Variants in BCO1 observed in about 807,000 individuals in gnomAD.
BCO1 encodes beta,beta-carotene 15,15'-dioxygenase.
In BCO1, 54 loss-of-function variants were observed where a neutral mutation model predicts 56.3. That is an observed-to-expected ratio of 0.96 (90% CI 0.77 to 1.20). The LOEUF is 1.20. Ranked by LOEUF, BCO1 falls within the 50% of genes most tolerant of loss-of-function variation. The pLI is 0.00. For synonymous variants in BCO1, 318 were observed against 266.1 expected (o/e 1.20, Z -1.90); for missense variants, 801 against 690.9 (o/e 1.16, Z -1.79).
intron 5 of BCO1, among the ~76,000 whole-genome samples, chr16:81,266,627 C>T (rs753662516): frequency 6.6e-6 from 1 of 152,124 alleles, no homozygotes; most frequent in Non-Finnish European, 1.5e-5. Context: ...TCCTAGAATG[C>T]CATACCTGGG....
chr16:81,250,645 A>G (rs916133067), intron 2 of BCO1, among the ~76,000 whole-genome samples: 8 of 139,970 alleles, frequency 5.7e-5, no homozygotes, highest in Non-Finnish European at 1.2e-4. Flanking sequence ...CAGTGGCACG[A>G]TCTCAGCTCA....
chr16:81,288,744 TAAG>T (rs1350667419), intron 10 of BCO1, among the ~76,000 whole-genome samples: 2 of 152,162 alleles, frequency 1.3e-5, no homozygotes, highest in Non-Finnish European at 2.9e-5. Context: ...CTGAGGAGGC[TAAG>T]GAGGGTAACT....
At chr16:81,245,805 A>G (rs758353190) in intron 2 of BCO1, among the ~76,000 whole-genome samples, 2 of 146,916 alleles carry the variant, frequency 1.4e-5, no homozygotes, top group East Asian at 2.0e-4. Flanking sequence ...TCCGTTTTCT[A>G]TCTTCTAGAA....
chr16:81,247,954 A>C lies in BCO1; in HGVS notation c.193+2351A>C, dbSNP rs1044742538. Among the ~76,000 whole-genome samples, 6 of 152,344 alleles carry C rather than the reference A, an allele frequency of 3.9e-5. 1 individual carries two copies. In the Middle Eastern group the frequency reaches 0.014, roughly 345 times the overall value. The stretch of plus-strand genomic sequence containing the variant: ...CACCTAAACTGTGTAACTTTGGCCA[A>C]GGTACTGACCCTGTCTGTCTCAGTC... On this transcript the variant is annotated intron_variant, in intron 2 of 10. Transcript: ENST00000258168.
In BCO1 at chr16:81,287,415, C is replaced by CT. The variant is rs759609688; in HGVS notation, c.1414+10dup. On this transcript the variant is annotated intron_variant, in intron 10 of 10. Transcript: ENST00000258168. ...CAAGGATGAGGATGACGGTAAGACT[C>CT]TAAGAAGCCACGCCTAGTTGCTGCA... 8 of 1,609,028 alleles carry CT rather than the reference C, an allele frequency of 5.0e-6. No individual in the cohort carries two copies. The East Asian group carries it at 1.1e-4, about 22-fold the overall frequency.
chr16:81,263,389 C>T (rs966156184), intron 4 of BCO1: 2 of 152,226 alleles, frequency 1.3e-5, no homozygotes, highest in African/African-American at 4.8e-5. Context: ...TTGCACCCAA[C>T]CATGTTCTGC....
intron 7 of BCO1, among the ~76,000 whole-genome samples, chr16:81,280,488 T>C (rs1907817377): frequency 6.6e-6 from 1 of 152,156 alleles, no homozygotes; most frequent in South Asian, 2.1e-4. Context: ...GTAAACTCTT[T>C]AGAAGCATCC....
chr16:81,272,262 T>C (rs561180850), intron 7 of BCO1, among the ~76,000 whole-genome samples: 319 of 151,808 alleles, frequency 2.1e-3, no homozygotes, highest in African/African-American at 7.3e-3. Flanking sequence ...TACAGACACC[T>C]GCCACCACGC....
chr16:81,248,803 G>A (rs548555932), intron 2 of BCO1, among the ~76,000 whole-genome samples: 9 of 152,106 alleles, frequency 5.9e-5, no homozygotes, highest in Admixed American at 3.3e-4. Context: ...CCTGAAGTCG[G>A]GAGTTCAAGA....
chr16:81,283,692 C>G (rs899190009), intron 8 of BCO1, among the ~76,000 whole-genome samples: 3 of 152,090 alleles, frequency 2.0e-5, no homozygotes, highest in Admixed American at 6.5e-5. Flanking sequence ...CTTCCCATCT[C>G]AATACTTCAT....
In BCO1 at chr16:81,238,705, C is replaced by T. The variant is rs1296269217; in HGVS notation, c.-204C>T. On this transcript the variant is annotated 5_prime_UTR_variant, in exon 1 of 11. Coordinates refer to ENST00000258168, the MANE Select transcript of BCO1 (RefSeq NM_017429.3). ...GCTTCCCTTGTGAATGTAAAGAGAT[C>T]CAGGGCTCTTGGAGAGGGACAAGTG... The T allele has an allele frequency of 9.6e-6, 6 of 624,188 alleles. No homozygotes were observed. The highest frequency in any genetic ancestry group is 2.8e-5 in the East Asian group (1 of 35,676). The allele number at this position is 624,188 out of a possible 1,614,324, so 38.7% of individuals were successfully genotyped here.
intron 2 of BCO1, among the ~76,000 whole-genome samples, chr16:81,257,328 G>T (rs971284616): frequency 1.1e-4 from 16 of 152,026 alleles, no homozygotes; most frequent in Non-Finnish European, 4.4e-5. Flanking sequence ...GCAGTGGCGC[G>T]ATCTCGGCTC....
At chr16:81,255,360 T>G (rs1053259983) in intron 2 of BCO1, among the ~76,000 whole-genome samples, 8 of 152,216 alleles carry the variant, frequency 5.3e-5, no homozygotes, top group African/African-American at 1.9e-4. Flanking sequence ...TCAATTTTAT[T>G]AGCTGGGAAA....
At chr16:81,278,515 A>C (rs754729880) in intron 7 of BCO1, among the ~76,000 whole-genome samples, 2 of 152,246 alleles carry the variant, frequency 1.3e-5, no homozygotes. Flanking sequence ...CTTCCTGGGC[A>C]CTAGGTGCCA....
At chr16:81,282,396 A>C (rs1567464677) in intron 8 of BCO1, among the ~76,000 whole-genome samples, 1 of 152,116 alleles carries the variant, frequency 6.6e-6, no homozygotes, top group Non-Finnish European at 1.5e-5. Flanking sequence ...AACAAAAAAC[A>C]AAAACAAAAA....
At chr16:81,271,618 C>T (rs938117269) in intron 7 of BCO1, among the ~76,000 whole-genome samples, 1 of 152,180 alleles carries the variant, frequency 6.6e-6, no homozygotes, top group African/African-American at 2.4e-5. Context: ...TTCTAGACAT[C>T]ACGTATAAAT....
intron 1 of BCO1, among the ~76,000 whole-genome samples, chr16:81,243,958 T>G (rs1050440967): frequency 7.2e-5 from 11 of 152,208 alleles, no homozygotes; most frequent in African/African-American, 2.7e-4. Context: ...GGGTATGACG[T>G]AAAACATGCC....
chr16:81,271,682 G>A (rs902454623), intron 7 of BCO1, among the ~76,000 whole-genome samples: 2 of 152,126 alleles, frequency 1.3e-5, no homozygotes, highest in African/African-American at 4.8e-5. Context: ...ACAGCACAGT[G>A]TTGTCAAGGC....
rs142870085 is a variant in BCO1 at position 81,269,770 on chromosome 16, G to A, written c.844-389G>A. ...GCATGAGCCACTGTGCCCTGCCAAG[G>A]CTCCAGTCTTAGATGGAGCCTGGCA... On this transcript the variant is annotated intron_variant, in intron 6 of 10. Coordinates refer to ENST00000258168, the MANE Select transcript of BCO1 (RefSeq NM_017429.3). Among the ~76,000 whole-genome samples, 9 of 152,204 alleles carry A rather than the reference G, an allele frequency of 5.9e-5. No individual in the cohort carries two copies. The East Asian group carries it at 1.7e-3, about 29-fold the overall frequency.
Sources: allele counts gnomAD v4.1 joint callset (sites outside exome capture counted in the v4.1 genomes callset), GRCh38; gene constraint gnomAD v4.1.1; transcripts MANE v1.5; gene names NCBI Gene and HGNC (gene_info 2026-07-23, HGNC 2026-07-21).